Variants in OSTC observed in about 807,000 individuals in gnomAD.
OSTC encodes the protein oligosaccharyltransferase complex non-catalytic subunit.
A neutral mutation model predicts 16.4 loss-of-function variants in OSTC; 16 were observed. The ratio of observed to expected loss-of-function variants is 0.98; its 90% CI spans 0.66 to 1.49. OSTC has a LOEUF of 1.49. Among genes scored for constraint, OSTC ranks in the 40% most tolerant of loss-of-function variants. OSTC has a pLI of 0.00. For missense variants in OSTC, 139 were observed against 186.3 expected, an observed-to-expected ratio of 0.75 and a Z score of 1.48; for synonymous variants, 67 against 68.5, an observed-to-expected ratio of 0.98 and a Z score of 0.11.
At chr4:108,651,445 TAAAAA>T (rs1291812934) in intron 1 of OSTC, 1 of 152,318 alleles carries the variant, frequency 6.6e-6, no homozygotes, top group Non-Finnish European at 1.5e-5. Flanking sequence ...AGTTGAGAAT[TAAAAA>T]AATAAGATAA....
At chr4:108,665,531 TTG>T (rs55905354) in intron 3 of OSTC, among the ~76,000 whole-genome samples, 20,735 of 61,880 alleles carry the variant, frequency 0.34, 1,993 homozygotes, top group East Asian at 0.55. Flanking sequence ...CCAGGATGTT[TTG>T]TGTTTTGTTT....
chr4:108,663,243 G>A (rs761197475), intron 3 of OSTC: 14 of 455,196 alleles, frequency 3.1e-5, no homozygotes, highest in South Asian at 7.8e-5. Flanking sequence ...ACGGAGTCTC[G>A]CTCTGTTGCC....
chr4:108,655,685 G>A (rs759120104), intron 2 of OSTC, 28 bp downstream of exon 2: 102 of 1,529,668 alleles, frequency 6.7e-5, no homozygotes, highest in Non-Finnish European at 8.7e-5. Context: ...GAATGATTTG[G>A]TGGTGGGAAA....
chr4:108,658,489 A>G (rs1163509719), intron 3 of OSTC, among the ~76,000 whole-genome samples: 1 of 151,852 alleles, frequency 6.6e-6, no homozygotes, highest in South Asian at 2.1e-4. Flanking sequence ...ATTTTGATTC[A>G]GAAAACTTTT....
At chr4:108,660,538 C>A (rs1726830528) in intron 3 of OSTC, among the ~76,000 whole-genome samples, 1 of 152,124 alleles carries the variant, frequency 6.6e-6, no homozygotes, top group Non-Finnish European at 1.5e-5. Context: ...GTGTATCTTT[C>A]TTCTTTCATG....
intron 1 of OSTC, among the ~76,000 whole-genome samples, chr4:108,654,752 AATG>A (rs1465036016): frequency 6.6e-6 from 1 of 152,248 alleles, no homozygotes; most frequent in Non-Finnish European, 1.5e-5. Context: ...CATTAATGTT[AATG>A]ATCACGATGA....
intron 3 of OSTC, among the ~76,000 whole-genome samples, chr4:108,659,543 C>T (rs111814019): frequency 0.018 from 2,689 of 152,090 alleles, 76 homozygotes; most frequent in African/African-American, 0.061. Flanking sequence ...CTGAAGCGGG[C>T]GGATCACAAG....
At chr4:108,651,573 A>T (rs906690258) in intron 1 of OSTC, 13 of 152,230 alleles carry the variant, frequency 8.5e-5, no homozygotes, top group African/African-American at 3.1e-4. Context: ...CAATCCGGCT[A>T]GTCTTTTCAG....
In OSTC at chr4:108,655,601, C is replaced by T. The variant is rs202020646; in HGVS notation, c.177C>T (p.Val59=). The change falls in exon 2 of 4, where the codon GTC becomes GTT. Residue 59 remains valine (V), a synonymous_variant. Transcript: ENST00000361564. ...ATGTTATTGTTGAACCTCCAAGTGTCGGTTCTATGACTGATGAACATGGGC... is the reference window on the plus strand; with the variant it reads ...ATGTTATTGTTGAACCTCCAAGTGTTGGTTCTATGACTGATGAACATGGGC... The part of the protein sequence containing the change: ...IYDVIVEPPS[V]GSMTDEHGHQ... 1.1e-4 allele frequency: 177 copies of T among 1,607,668 alleles called. No individual in the cohort carries two copies. The highest frequency in any genetic ancestry group is 1.4e-4 in the Non-Finnish European group (168 of 1,174,988).
Position 108,650,741 on chromosome 4 carries a change from C to T in OSTC, c.86C>T (p.Ser29Leu), listed in dbSNP as rs1560621133. The T allele has an allele frequency of 3.7e-6, 6 of 1,614,090 alleles. No homozygotes were observed. The African/African-American group carries it at 4.0e-5, about 11-fold the overall frequency. The change falls in exon 1 of 4, where the codon TCG becomes TTG. Residue 29 changes from serine to leucine, a missense_variant. Physicochemically the swap from Ser to Leu is moderately radical, Grantham distance 145. Transcript: ENST00000361564. ...AAGCCGCCCTGGTTGCACATGCCGT[C>T]GGCCATGACTGTGTATGCTCTGGTG... ...LKKPPWLHMP[S>L]AMTVYALVVV... is the part of the protein sequence containing the mutation.
chr4:108,662,381 G>T (rs1416470008), intron 3 of OSTC, among the ~76,000 whole-genome samples: 1 of 152,096 alleles, frequency 6.6e-6, no homozygotes, highest in Non-Finnish European at 1.5e-5. Context: ...TTGTTGTGTT[G>T]TATTACACGT....
chr4:108,660,736 A>G (rs1156693201), intron 3 of OSTC, among the ~76,000 whole-genome samples: 3 of 152,216 alleles, frequency 2.0e-5, no homozygotes, highest in Non-Finnish European at 4.4e-5. Flanking sequence ...ATTCTTTTTT[A>G]CAAAGATGTT....
chr4:108,654,102 G>A (rs756391803), intron 1 of OSTC, among the ~76,000 whole-genome samples: 14 of 152,180 alleles, frequency 9.2e-5, no homozygotes, highest in Non-Finnish European at 1.9e-4. Context: ...AATTGGTTTA[G>A]TAAACTGGAT....
At chr4:108,655,703 G>C in intron 2 of OSTC, 46 bp downstream of exon 2, 1 of 1,328,160 alleles carries the variant, frequency 7.5e-7, no homozygotes, top group Non-Finnish European at 1.1e-6. Flanking sequence ...AAAGAAGGTT[G>C]CTGTGGTATG....
At chr4:108,664,327 A>T (rs1031744342) in intron 3 of OSTC, among the ~76,000 whole-genome samples, 1 of 152,194 alleles carries the variant, frequency 6.6e-6, no homozygotes, top group Non-Finnish European at 1.5e-5. Context: ...GTATATTCAC[A>T]TATAGGTATA....
intron 3 of OSTC, among the ~76,000 whole-genome samples, chr4:108,663,824 T>C (rs1455791623): frequency 6.6e-6 from 1 of 152,246 alleles, no homozygotes; most frequent in Non-Finnish European, 1.5e-5. Flanking sequence ...ACTGAGTGAT[T>C]ATTGAAAGAA....
At chr4:108,657,346 ATATAGCACAAAAATGT>A (rs1304572555) in intron 2 of OSTC, 88 bp from the exon 3 acceptor site, 6 of 967,480 alleles carry the variant, frequency 6.2e-6, no homozygotes, top group Non-Finnish European at 9.2e-6. Context: ...AGAATAAGAA[ATATAGCACAAAAATGT>A]TTTGGCACAA....
At chr4:108,660,565 A>C (rs1726831149) in intron 3 of OSTC, among the ~76,000 whole-genome samples, 1 of 152,198 alleles carries the variant, frequency 6.6e-6, no homozygotes, top group African/African-American at 2.4e-5. Flanking sequence ...ATCTATGATG[A>C]CCTAACAGTT....
chr4:108,651,010 T>C, intron 1 of OSTC: 1 of 588,690 alleles, frequency 1.7e-6, no homozygotes, highest in East Asian at 3.1e-5. Flanking sequence ...CTCACTCCCA[T>C]TGCCTTTCTT....
Sources: allele counts gnomAD v4.1 joint callset (sites outside exome capture counted in the v4.1 genomes callset), GRCh38; gene constraint gnomAD v4.1.1; transcripts MANE v1.5; gene names NCBI Gene and HGNC (gene_info 2026-07-23, HGNC 2026-07-21).